The following DAB1 variants were observed in gnomAD, a reference collection of about 807,000 sequenced individuals.
The protein encoded by DAB1 is DAB adaptor protein 1.
DAB1 carries 15 observed loss-of-function variants against 64.6 expected under a neutral mutation model. The ratio of observed to expected loss-of-function variants is 0.23; its 90% CI spans 0.16 to 0.36. The LOEUF (loss-of-function observed/expected upper bound fraction) is 0.36. DAB1 is among the 10% of genes least tolerant of loss of function. The probability of loss-of-function intolerance (pLI) is 1.00; values close to 1 mark genes in which losing one functional copy is unlikely to be tolerated. For synonymous variants in DAB1, 235 were observed against 251.9 expected (o/e 0.93, Z 0.64); for missense variants, 596 against 706.7 (o/e 0.84, Z 1.78).
At chr1:58,353,986 T>G (rs1644083205) in intron 3 of DAB1, among the ~76,000 whole-genome samples, 1 of 152,152 alleles carries the variant, frequency 6.6e-6, no homozygotes, top group Non-Finnish European at 1.5e-5. Context: ...CAAAGAACCA[T>G]TTCCAAGCTC....
intron 5 of DAB1, among the ~76,000 whole-genome samples, chr1:57,961,229 G>A (rs533940488): frequency 9.9e-5 from 15 of 152,212 alleles, no homozygotes; most frequent in African/African-American, 3.4e-4. Flanking sequence ...ATATACGCAT[G>A]TGTATACATT....
intron 3 of DAB1, among the ~76,000 whole-genome samples, chr1:58,368,688 G>C (rs1201969650): frequency 6.6e-6 from 1 of 152,150 alleles, no homozygotes; most frequent in Non-Finnish European, 1.5e-5. Context: ...TACGGTGTCA[G>C]CATCCTCAGC....
rs1036534480 is a variant in DAB1, at chr1:57,267,829, T to C, written c.67+23135A>G. On this transcript the variant is annotated intron_variant, in intron 2 of 14. Coordinates refer to ENST00000371236, the MANE Select transcript of DAB1 (RefSeq NM_001365792.1). The stretch of plus-strand genomic sequence containing the variant: ...AAAATAACAAGAACCAAACCCCAAC[T>C]TGACAGCTGGGCTCTCTGTCTTTTC... Among the ~76,000 whole-genome samples, 8 of 152,244 alleles carry C rather than the reference T, an allele frequency of 5.3e-5. No homozygotes were observed. In the South Asian group the frequency reaches 1.5e-3, roughly 28 times the overall value.
At chr1:58,054,474 A>C (rs1336287410) in intron 5 of DAB1, among the ~76,000 whole-genome samples, 2 of 152,210 alleles carry the variant, frequency 1.3e-5, no homozygotes, top group African/African-American at 2.4e-5. Flanking sequence ...TGGACCACTA[A>C]ATTAACAAGA....
intron 1 of DAB1, among the ~76,000 whole-genome samples, chr1:58,535,821 T>C (rs1278497463): frequency 6.6e-6 from 1 of 152,088 alleles, no homozygotes; most frequent in East Asian, 1.9e-4. Context: ...AAATTATAAC[T>C]TAAATTTGGA....
intron 5 of DAB1, among the ~76,000 whole-genome samples, chr1:58,109,118 C>A (rs553147104): frequency 6.6e-6 from 1 of 152,294 alleles, no homozygotes; most frequent in East Asian, 1.9e-4. Flanking sequence ...GCTTTCCTCA[C>A]CCAAGTAATT....
At chr1:58,406,264 A>T (rs1644614768) in intron 3 of DAB1, among the ~76,000 whole-genome samples, 1 of 152,172 alleles carries the variant, frequency 6.6e-6, no homozygotes, top group Admixed American at 6.5e-5. Flanking sequence ...AGACCGTAGG[A>T]GACACAGAAT....
intron 3 of DAB1, among the ~76,000 whole-genome samples, chr1:58,372,918 T>A (rs1012764816): frequency 6.6e-6 from 1 of 152,150 alleles, no homozygotes; most frequent in Non-Finnish European, 1.5e-5. Context: ...CTTTTCTTTA[T>A]AAATTATCCA....
At chr1:58,034,604 G>A (rs895122165) in intron 5 of DAB1, among the ~76,000 whole-genome samples, 1 of 152,296 alleles carries the variant, frequency 6.6e-6, no homozygotes, top group South Asian at 2.1e-4. Flanking sequence ...AGGTGAGTTC[G>A]AATTGGAAAA....
At chr1:57,348,048 T>C (rs1678260814) in intron 1 of DAB1, among the ~76,000 whole-genome samples, 1 of 152,192 alleles carries the variant, frequency 6.6e-6, no homozygotes, top group Non-Finnish European at 1.5e-5. Context: ...TCTTTGATCA[T>C]CATGACCTGG....
At chr1:58,151,441 C>T (rs940741530) in intron 4 of DAB1, among the ~76,000 whole-genome samples, 1 of 152,136 alleles carries the variant, frequency 6.6e-6, no homozygotes. Flanking sequence ...CTCTGATGGC[C>T]AGTGATGAGA....
At chr1:58,509,412 G>GA (rs1409209299) in intron 2 of DAB1, among the ~76,000 whole-genome samples, 62 of 141,528 alleles carry the variant, frequency 4.4e-4, no homozygotes, top group African/African-American at 1.2e-3. Flanking sequence ...ATGGGTCAAG[G>GA]AAAAAAAAAC....
intron 6 of DAB1, among the ~76,000 whole-genome samples, chr1:57,729,940 T>A (rs1479812589): frequency 6.6e-6 from 1 of 152,228 alleles, no homozygotes; most frequent in African/African-American, 2.4e-5. Context: ...GGCACTATTA[T>A]TATCCCTGCT....
intron 14 of DAB1, among the ~76,000 whole-genome samples, chr1:57,002,453 G>A (rs1302744955): frequency 6.6e-6 from 1 of 152,236 alleles, no homozygotes; most frequent in African/African-American, 2.4e-5. Flanking sequence ...GGTCAACAAA[G>A]TGGGGTTTTT....
intron 7 of DAB1, among the ~76,000 whole-genome samples, chr1:57,489,391 C>A (rs1644134272): frequency 6.6e-6 from 1 of 152,158 alleles, no homozygotes; most frequent in African/African-American, 2.4e-5. Flanking sequence ...GATTCTCAAA[C>A]TATCTCATTA....
At chr1:57,120,245 T>C (rs1656514550) in intron 4 of DAB1, among the ~76,000 whole-genome samples, 1 of 152,160 alleles carries the variant, frequency 6.6e-6, no homozygotes, top group African/African-American at 2.4e-5. Flanking sequence ...ATAAGAAATA[T>C]ATTAGTCTGA....
intron 5 of DAB1, among the ~76,000 whole-genome samples, chr1:58,104,488 G>A (rs1651516153): frequency 6.6e-6 from 1 of 152,182 alleles, no homozygotes; most frequent in Non-Finnish European, 1.5e-5. Flanking sequence ...ACCCTAACTA[G>A]CTGGTCTATG....
chr1:57,723,492 G>A (rs779999416), intron 6 of DAB1, among the ~76,000 whole-genome samples: 1 of 152,144 alleles, frequency 6.6e-6, no homozygotes, highest in Non-Finnish European at 1.5e-5. Flanking sequence ...TATCCTTCAC[G>A]AAGACAACTT....
At chr1:58,229,699 C>T (rs774737585) in intron 4 of DAB1, among the ~76,000 whole-genome samples, 1 of 152,176 alleles carries the variant, frequency 6.6e-6, no homozygotes, top group Non-Finnish European at 1.5e-5. Context: ...ATTTGAAGCA[C>T]TGGCAAAGCA....
Sources: allele counts gnomAD v4.1 joint callset (sites outside exome capture counted in the v4.1 genomes callset), GRCh38; gene constraint gnomAD v4.1.1; transcripts MANE v1.5; gene names NCBI Gene and HGNC (gene_info 2026-07-23, HGNC 2026-07-21).